IL34: variants seen among roughly 807,000 people sequenced by gnomAD.
IL34 encodes the protein interleukin 34, also known as interleukin-34.
In IL34, 17 loss-of-function variants were observed where a neutral mutation model predicts 25.3. That is an observed-to-expected ratio of 0.67 (90% CI 0.46 to 1.01). IL34 has a LOEUF of 1.01. Among genes scored for constraint, IL34 ranks in the 50% least tolerant of loss-of-function variants. The pLI is 0.00. For synonymous variants in IL34, 174 were observed against 140.9 expected (o/e 1.23, Z -1.66); for missense variants, 368 against 312.9 (o/e 1.18, Z -1.33).
Position 70,646,885 on chromosome 16 carries a change from G to T in IL34, c.-63G>T. 1 of 1,446,104 alleles carries T rather than the reference G, an allele frequency of 6.9e-7. No homozygotes were observed. 89.6% of individuals were successfully genotyped at this position (1,446,104 alleles called of 1,614,324 possible). ...CCCGAGGCCATGTAGGCCGTGCTTA[G>T]GCCTCTGTGGACACACTGCTGGGGA... On this transcript the variant is annotated 5_prime_UTR_variant, in exon 1 of 6. It adds an upstream start codon to the 5' untranslated region. Transcript: ENST00000288098.
chr16:70,655,743 CTG>C (rs1319239356), intron 2 of IL34, among the ~76,000 whole-genome samples: 1 of 152,002 alleles, frequency 6.6e-6, no homozygotes, highest in Non-Finnish European at 1.5e-5. Context: ...GGGTGTCACT[CTG>C]TTGTCCAGGC....
chr16:70,611,591 C>G (rs2051091902), intron 1 of IL34, among the ~76,000 whole-genome samples: 1 of 151,982 alleles, frequency 6.6e-6, no homozygotes, highest in Admixed American at 6.6e-5. Context: ...GGGTTTGAGA[C>G]TAGCCTGGGG....
intron 1 of IL34, among the ~76,000 whole-genome samples, chr16:70,605,938 C>A (rs989050872): frequency 6.9e-6 from 1 of 145,836 alleles, no homozygotes; most frequent in Non-Finnish European, 1.5e-5. Context: ...TCCCAAAGTG[C>A]TGGGATTACA....
chr16:70,602,312 T>G (rs558013184), intron 1 of IL34, among the ~76,000 whole-genome samples: 1 of 152,310 alleles, frequency 6.6e-6, no homozygotes, highest in South Asian at 2.1e-4. Context: ...CTCCCCAACT[T>G]GCCAGCTGCG....
At chr16:70,622,638 C>T (rs1417796489) in intron 1 of IL34, among the ~76,000 whole-genome samples, 2 of 151,764 alleles carry the variant, frequency 1.3e-5, no homozygotes, top group Non-Finnish European at 2.9e-5. Flanking sequence ...GAGATACAGT[C>T]ATGGGGGTCA....
chr16:70,619,156 G>T (rs924565595), intron 1 of IL34, among the ~76,000 whole-genome samples: 1 of 152,190 alleles, frequency 6.6e-6, no homozygotes, highest in Non-Finnish European at 1.5e-5. Context: ...AGGCCATGCT[G>T]TAGCAGACGA....
Position 70,660,162 on chromosome 16 carries a change from C to A in IL34, c.704C>A (p.Ala235Glu), listed in dbSNP as rs1048635773. ...HSTGSVRPVRAQGEGLLP is the reference protein window; with the variant it reads ...HSTGSVRPVREQGEGLLP ...ACGGGCTCGGTGAGGCCGGTCAGGG[C>A]ACAGGGCGAGGGCCTCTTGCCCTGA... Residue 235 changes from alanine (A) to glutamate (E), a missense_variant, in exon 6 of 6, where the codon GCA becomes GAA. Ala to Glu is a moderately radical substitution (Grantham distance 107). Coordinates refer to ENST00000288098, the MANE Select transcript of IL34 (RefSeq NM_001393494.1). 1 of 1,601,634 alleles carries A rather than the reference C, an allele frequency of 6.2e-7. No homozygotes were observed. The highest frequency in any genetic ancestry group is 1.7e-5 in the Admixed American group (1 of 57,842).
chr16:70,606,543 A>G lies in IL34; in HGVS notation c.-401+26494A>G, dbSNP rs1458095877. 1.5e-4 allele frequency among the ~76,000 whole-genome samples: 23 copies of G among 152,022 alleles called. 1 individual carries two copies. Among genetic ancestry groups the G allele is most frequent in the Admixed American group, 1.5e-3 (23 of 15,262 alleles). On this transcript the variant is annotated intron_variant, in intron 1 of 6. Transcript: ENST00000429149. ...CAACCAACCACCACCCTCCACCCCC[A>G]AACAACCACTGATCTGTCTTCTGTC...
intron 1 of IL34, among the ~76,000 whole-genome samples, chr16:70,647,791 C>G (rs2051977404): frequency 2.6e-5 from 4 of 152,300 alleles, no homozygotes; most frequent in Admixed American, 1.3e-4. Context: ...CACCCTGGCC[C>G]TTGTGGAAAT....
At chr16:70,625,347 T>A (rs1258922783) in intron 1 of IL34, among the ~76,000 whole-genome samples, 1 of 150,682 alleles carries the variant, frequency 6.6e-6, no homozygotes, top group Non-Finnish European at 1.5e-5. Flanking sequence ...GGTCGGGGCA[T>A]GGAAATAAGG....
chr16:70,602,932 T>G (rs1265976185), intron 1 of IL34, among the ~76,000 whole-genome samples: 1 of 152,078 alleles, frequency 6.6e-6, no homozygotes, highest in Non-Finnish European at 1.5e-5. Flanking sequence ...ACCGCCAGCA[T>G]GAGTCCATGT....
intron 1 of IL34, among the ~76,000 whole-genome samples, chr16:70,589,255 T>C (rs1367505696): frequency 6.6e-6 from 1 of 152,140 alleles, no homozygotes; most frequent in African/African-American, 2.4e-5. Flanking sequence ...AATTTTTTTT[T>C]AACTTTTGTT....
At chr16:70,608,591 G>T (rs2051045986) in intron 1 of IL34, among the ~76,000 whole-genome samples, 1 of 152,218 alleles carries the variant, frequency 6.6e-6, no homozygotes, top group Non-Finnish European at 1.5e-5. Flanking sequence ...AGGAGGCACA[G>T]ATCAAGGGTG....
At chr16:70,627,566 C>T (rs942378622) in intron 1 of IL34, among the ~76,000 whole-genome samples, 1 of 151,952 alleles carries the variant, frequency 6.6e-6, no homozygotes, top group Non-Finnish European at 1.5e-5. Flanking sequence ...ACTGCAGCCT[C>T]TGTCTCCTGG....
intron 1 of IL34, among the ~76,000 whole-genome samples, chr16:70,585,051 C>T (rs902096214): frequency 6.6e-6 from 1 of 152,084 alleles, no homozygotes; most frequent in African/African-American, 2.4e-5. Context: ...CACAGATCTC[C>T]AGAACTTTTT....
chr16:70,629,009 C>G (rs554269641), intron 1 of IL34, among the ~76,000 whole-genome samples: 1 of 152,094 alleles, frequency 6.6e-6, no homozygotes, highest in Non-Finnish European at 1.5e-5. Flanking sequence ...AGGCTGGTCT[C>G]AAACTCCTGG....
chr16:70,654,447 A>C, intron 1 of IL34, 91 bp from the exon 2 acceptor site: 1 of 1,482,552 alleles, frequency 6.7e-7, no homozygotes, highest in Non-Finnish European at 9.1e-7. Flanking sequence ...TCCTATGCAA[A>C]TGGATGATGG....
At chr16:70,640,828 G>A (rs2051764493) in intron 1 of IL34, among the ~76,000 whole-genome samples, 1 of 151,932 alleles carries the variant, frequency 6.6e-6, no homozygotes, top group South Asian at 2.1e-4. Context: ...AAATTCCCCT[G>A]CGCCCCTTCT....
chr16:70,618,783 C>A (rs969030857), intron 1 of IL34, among the ~76,000 whole-genome samples: 3 of 152,060 alleles, frequency 2.0e-5, no homozygotes, highest in Non-Finnish European at 2.9e-5. Context: ...AGATAGGTAA[C>A]AGATGAGGAA....
Sources: gnomAD v4.1 joint callset for allele counts (sites outside exome capture counted in the v4.1 genomes callset) on GRCh38, gnomAD v4.1.1 for gene constraint, MANE v1.5 for transcripts, NCBI Gene and HGNC (gene_info 2026-07-23, HGNC 2026-07-21) for gene names.